The following MMRN2 variants were observed in gnomAD, a reference collection of about 807,000 sequenced individuals.
MMRN2 encodes the protein multimerin-2.
Under a neutral mutation model 68.8 loss-of-function variants are expected in MMRN2, and 53 were observed. The ratio of observed to expected loss-of-function variants is 0.77; its 90% confidence interval spans 0.62 to 0.97. MMRN2 has a LOEUF of 0.97. MMRN2 is among the 50% of genes least tolerant of loss of function. The pLI is 0.00. For synonymous variants in MMRN2, 564 were observed against 551.6 expected (o/e 1.02, Z -0.32); for missense variants, 1,266 against 1,259.5 (o/e 1.01, Z -0.08).
chr10:86,956,643 G>C (rs1844237701), intron 1 of MMRN2, among the ~76,000 whole-genome samples: 1 of 152,206 alleles, frequency 6.6e-6, no homozygotes, highest in African/African-American at 2.4e-5. Context: ...TGAGCCTCAG[G>C]CTCCTCCTCT....
intron 1 of MMRN2, among the ~76,000 whole-genome samples, chr10:86,951,424 G>A (rs1417379627): frequency 6.6e-6 from 1 of 152,222 alleles, no homozygotes; most frequent in Admixed American, 6.5e-5. Flanking sequence ...CCAGGGTGGG[G>A]CCCTCCAGAG....
intron 1 of MMRN2, among the ~76,000 whole-genome samples, chr10:86,951,573 A>G (rs1589306409): frequency 6.6e-6 from 1 of 152,334 alleles, no homozygotes; most frequent in East Asian, 1.9e-4. Flanking sequence ...GACAACATAT[A>G]AATGAACCAG....
chr10:86,947,337 A>G (rs375875201), intron 1 of MMRN2, among the ~76,000 whole-genome samples: 1 of 150,600 alleles, frequency 6.6e-6, no homozygotes, highest in African/African-American at 2.4e-5. Flanking sequence ...CACAGGGGAT[A>G]GTGTTGGGAA....
intron 1 of MMRN2, among the ~76,000 whole-genome samples, chr10:86,954,848 G>A (rs1402693641): frequency 7.0e-6 from 1 of 142,904 alleles, no homozygotes; most frequent in South Asian, 2.6e-4. Context: ...TGGGGGTGAG[G>A]ATGGGGGAGG....
At chr10:86,954,464 G>A (rs560812916) in intron 1 of MMRN2, among the ~76,000 whole-genome samples, 12 of 152,300 alleles carry the variant, frequency 7.9e-5, no homozygotes, top group Admixed American at 7.2e-4. Flanking sequence ...GAGCTGGTGT[G>A]GGGGGAAGGG....
intron 1 of MMRN2, 35 bp downstream of exon 1, chr10:86,957,343 C>T (rs1398045081): frequency 4.4e-6 from 7 of 1,609,166 alleles, no homozygotes; most frequent in Non-Finnish European, 5.9e-6. Context: ...TCAGATCCTA[C>T]TCCATGACCT....
intron 1 of MMRN2, among the ~76,000 whole-genome samples, chr10:86,947,082 A>T (rs929427973): frequency 2.0e-5 from 3 of 152,150 alleles, no homozygotes; most frequent in Admixed American, 6.5e-5. Context: ...GGGAAGTGGC[A>T]TGAAAGAGCC....
At chr10:86,948,094 C>T (rs889950877) in intron 1 of MMRN2, among the ~76,000 whole-genome samples, 5 of 151,884 alleles carry the variant, frequency 3.3e-5, no homozygotes, top group South Asian at 2.1e-4. Context: ...GGTGTGGTGG[C>T]GCATGCCTGT....
Position 86,942,625 on chromosome 10 carries a change from C to T in MMRN2, c.2159G>A (p.Gly720Glu). 1 of 1,603,374 alleles carries T rather than the reference C, an allele frequency of 6.2e-7. No individual in the cohort carries two copies. The part of the protein sequence containing the change: ...NVGRCCEAEA[G>E]AGAASLNASL... Reference sequence around the variant, plus strand: ...GGCGTTGAGGGAGGCGGCCCCGGCCCCGGCCTCGGCCTCGCAGCACCGCCC... The same window carrying T: ...GGCGTTGAGGGAGGCGGCCCCGGCCTCGGCCTCGGCCTCGCAGCACCGCCC... Residue 720 changes from glycine to glutamate, a missense_variant, in exon 6 of 7, where the codon GGG becomes GAG. By Grantham distance (98) the Gly-to-Glu change is moderately conservative. Transcript: ENST00000372027.
At chr10:86,939,839 T>G (rs7095556) in intron 6 of MMRN2, among the ~76,000 whole-genome samples, 3,243 of 120,186 alleles carry the variant, frequency 0.027, 118 homozygotes, top group African/African-American at 0.084. Flanking sequence ...GTGTGTGTGT[T>G]TGTGTGTGTG....
At chr10:86,939,699 C>T (rs1451218850) in intron 6 of MMRN2, among the ~76,000 whole-genome samples, 2 of 151,746 alleles carry the variant, frequency 1.3e-5, no homozygotes, top group East Asian at 3.9e-4. Context: ...TTGCGCCTGA[C>T]AGGCCCTAAG....
At position 86,942,623 on chromosome 10, in the gene MMRN2, C is replaced by G; in HGVS notation, c.2161G>C (p.Ala721Pro). 2.5e-6 allele frequency: 4 copies of G among 1,603,764 alleles called. No homozygotes were observed. Among genetic ancestry groups the G allele is most frequent in the Non-Finnish European group, 2.5e-6 (3 of 1,179,324 alleles). The change falls in exon 6 of 7, where the codon GCC becomes CCC. Residue 721 changes from alanine (A) to proline (P), a missense_variant. Transcript: ENST00000372027. The part of the protein sequence containing the change: ...VGRCCEAEAG[A>P]GAASLNASLH... Reference sequence around the variant, plus strand: ...GAGGCGTTGAGGGAGGCGGCCCCGGCCCCGGCCTCGGCCTCGCAGCACCGC... The same window carrying G: ...GAGGCGTTGAGGGAGGCGGCCCCGGGCCCGGCCTCGGCCTCGCAGCACCGC...
At chr10:86,955,428 G>C (rs559191375) in intron 1 of MMRN2, among the ~76,000 whole-genome samples, 2 of 152,342 alleles carry the variant, frequency 1.3e-5, no homozygotes, top group East Asian at 3.9e-4. Flanking sequence ...GTCTGAGGAC[G>C]TAGTGGTTCT....
At chr10:86,950,783 T>A (rs962482404) in intron 1 of MMRN2, among the ~76,000 whole-genome samples, 4 of 152,112 alleles carry the variant, frequency 2.6e-5, no homozygotes, top group Admixed American at 6.6e-5. Flanking sequence ...AGACATGAAA[T>A]TTTAGAACTC....
At chr10:86,939,155 T>C (rs1589299111) in intron 6 of MMRN2, among the ~76,000 whole-genome samples, 3 of 63,602 alleles carry the variant, frequency 4.7e-5, no homozygotes, top group African/African-American at 2.2e-4. Flanking sequence ...AGAGTGAAAC[T>C]CCGTCAAAAA....
At position 86,955,234 on chromosome 10, in the gene MMRN2, C is replaced by T. The variant is rs542231829; in HGVS notation, c.164+2144G>A. Among the ~76,000 whole-genome samples, 7 of 152,256 alleles carry T rather than the reference C, an allele frequency of 4.6e-5. No homozygotes were observed. The South Asian group carries it at 8.3e-4, about 18-fold the overall frequency. ...ACGGTCCCTACCGCAGACTGAGTTC[C>T]ACTGGGACAGCAAATCCTGGGTCTG... is the stretch of plus-strand genomic sequence containing the variant. On this transcript the variant is annotated intron_variant, in intron 1 of 6. Transcript: ENST00000372027.
intron 1 of MMRN2, among the ~76,000 whole-genome samples, chr10:86,946,702 T>G (rs1260121434): frequency 6.6e-6 from 1 of 152,082 alleles, no homozygotes; most frequent in Non-Finnish European, 1.5e-5. Context: ...AGAACAGAGC[T>G]CGTCAGAGTT....
chr10:86,937,044 T>A lies in MMRN2; in HGVS notation c.2549A>T (p.Asn850Ile). The change falls in exon 7 of 7, where the codon AAC (asparagine) becomes ATC (isoleucine). Residue 850 changes from asparagine to isoleucine, a missense_variant. By Grantham distance (149) the Asn-to-Ile change is moderately radical. Transcript: ENST00000372027. ...QTVKFNTTYI[N>I]IGSSYFPEHG... The stretch of plus-strand genomic sequence containing the variant: ...TTCAGGGAAGTAGCTGCTGCCAATG[T>A]TGATGTATGTGGTGTTGAACTTCAC... 6.2e-7 allele frequency: 1 copy of A among 1,614,198 alleles called. No individual in the cohort carries two copies. The highest frequency in any genetic ancestry group is 8.5e-7 in the Non-Finnish European group (1 of 1,180,036).
chr10:86,952,110 G>A lies in MMRN2; in HGVS notation c.164+5268C>T, dbSNP rs1028642756. 4.6e-5 allele frequency among the ~76,000 whole-genome samples: 7 copies of A among 152,156 alleles called. No homozygotes were observed. The South Asian group carries it at 6.2e-4, about 14-fold the overall frequency. On this transcript the variant is annotated intron_variant, in intron 1 of 6. Transcript: ENST00000372027. ...AGTTTCTCTCACAACTATCAAGACC[G>A]ACTCCAAAGCCAAGGAATGAAAATG...
Sources: allele counts gnomAD v4.1 joint callset (sites outside exome capture counted in the v4.1 genomes callset), GRCh38; gene constraint gnomAD v4.1.1; transcripts MANE v1.5; gene names NCBI Gene and HGNC (gene_info 2026-07-23, HGNC 2026-07-21).